BRINP1: variants seen among roughly 807,000 people sequenced by gnomAD.
The protein encoded by BRINP1 is BMP/retinoic acid-inducible neural-specific protein 1.
In BRINP1, 17 loss-of-function variants were observed where a neutral mutation model predicts 72.9. The observed-to-expected ratio is 0.23, with a 90% CI of 0.16 to 0.35. The LOEUF (loss-of-function observed/expected upper bound fraction) is 0.35. Among genes scored for constraint, BRINP1 ranks in the 10% least tolerant of loss-of-function variants. The pLI, the probability that BRINP1 is intolerant of heterozygous loss-of-function variation, is 1.00. For synonymous variants in BRINP1, 418 were observed against 378.5 expected, an observed-to-expected ratio of 1.10 and a Z score of -1.21; for missense variants, 850 against 1,001.6, an observed-to-expected ratio of 0.85 and a Z score of 2.04.
intron 2 of BRINP1, among the ~76,000 whole-genome samples, chr9:119,252,488 T>A (rs998892830): frequency 6.6e-6 from 1 of 150,802 alleles, no homozygotes; most frequent in East Asian, 1.9e-4. Flanking sequence ...AATTATGAGG[T>A]TATATATATA....
chr9:119,313,265 C>T lies in BRINP1; in HGVS notation c.91G>A (p.Asp31Asn), dbSNP rs771230669. The change falls in exon 2 of 8, where the codon GAC becomes AAC. Residue 31 changes from aspartate to asparagine, a missense_variant. Physicochemically the swap from Asp to Asn is conservative, Grantham distance 23 (BLOSUM62 1). Transcript: ENST00000265922. Reference protein sequence around the residue: ...QPSHQEPAGTDQHVSKEFDWL... With the variant: ...QPSHQEPAGTNQHVSKEFDWL... The stretch of plus-strand genomic sequence containing the variant: ...TCAAATTCCTTGGAGACATGTTGGT[C>T]TGTCCCAGCTGGTTCCTGGTGGGAG... The T allele has an allele frequency of 1.9e-6, 3 of 1,614,172 alleles. No homozygotes were observed. Among genetic ancestry groups the T allele is most frequent in the East Asian group, 2.2e-5 (1 of 44,868 alleles).
At chr9:119,227,971 C>T (rs901646222) in intron 5 of BRINP1, among the ~76,000 whole-genome samples, 2 of 151,980 alleles carry the variant, frequency 1.3e-5, no homozygotes, top group Admixed American at 1.3e-4. Context: ...TATTTTTAAA[C>T]ATTTCTCCTA....
At chr9:119,353,588 T>G (rs961066468) in intron 1 of BRINP1, among the ~76,000 whole-genome samples, 5 of 152,074 alleles carry the variant, frequency 3.3e-5, no homozygotes, top group Non-Finnish European at 7.4e-5. Context: ...CATGAGAAAT[T>G]AAGAAAACTG....
chr9:119,297,272 G>A (rs1015022753), intron 2 of BRINP1, among the ~76,000 whole-genome samples: 1 of 152,182 alleles, frequency 6.6e-6, no homozygotes, highest in Non-Finnish European at 1.5e-5. Flanking sequence ...GTTATAATAT[G>A]CTCAGGTCAC....
chr9:119,187,344 C>G (rs1420864244), intron 7 of BRINP1, among the ~76,000 whole-genome samples: 1 of 151,898 alleles, frequency 6.6e-6, no homozygotes, highest in Non-Finnish European at 1.5e-5. Flanking sequence ...ATGAGAACAA[C>G]AGGATCCCTG....
chr9:119,169,496 C>T (rs544703887), intron 7 of BRINP1, among the ~76,000 whole-genome samples: 1 of 152,186 alleles, frequency 6.6e-6, no homozygotes, highest in Non-Finnish European at 1.5e-5. Context: ...CACAGAGTCT[C>T]GCTGATTGCT....
At chr9:119,305,457 T>C (rs1170515911) in intron 2 of BRINP1, among the ~76,000 whole-genome samples, 1 of 152,238 alleles carries the variant, frequency 6.6e-6, no homozygotes, top group Non-Finnish European at 1.5e-5. Flanking sequence ...TCCAACCTTA[T>C]GCCCTACTAT....
At position 119,167,710 on chromosome 9, in the gene BRINP1, T is replaced by C. The variant is rs960145064; in HGVS notation, c.1660A>G (p.Ser554Gly). 1 of 1,614,090 alleles carries C rather than the reference T, an allele frequency of 6.2e-7. No individual in the cohort carries two copies. Among genetic ancestry groups the C allele is most frequent in the Non-Finnish European group, 8.5e-7 (1 of 1,180,008 alleles). Residue 554 changes from serine to glycine, a missense_variant, in exon 8 of 8, where the codon AGC becomes GGC. Ser to Gly is a moderately conservative substitution (Grantham distance 56, BLOSUM62 0). Transcript: ENST00000265922. The surrounding 1 kb of genome is among the most constrained non-coding windows in gnomAD (Gnocchi z 4.3). ...ACAAAGAACATGGGGTCCAGGCTGC[T>C]GTTGCGCATCTGGCAGATGCGCATG... ...MSMRICQMRN[S>G]SLDPMFFVYV...
intron 1 of BRINP1, among the ~76,000 whole-genome samples, chr9:119,366,589 G>T (rs1831695415): frequency 7.0e-6 from 1 of 142,896 alleles, no homozygotes; most frequent in Admixed American, 7.2e-5. Flanking sequence ...TGAGGCATTG[G>T]ATCTTTTCTC....
chr9:119,169,972 C>T (rs1162500957), intron 7 of BRINP1, among the ~76,000 whole-genome samples: 1 of 152,172 alleles, frequency 6.6e-6, no homozygotes, highest in Non-Finnish European at 1.5e-5. Flanking sequence ...ACACCAAAAA[C>T]CCACCTGTAC....
intron 1 of BRINP1, among the ~76,000 whole-genome samples, chr9:119,332,079 C>A (rs780494325): frequency 6.6e-6 from 1 of 152,242 alleles, no homozygotes; most frequent in East Asian, 1.9e-4. Flanking sequence ...AACCAGGGTC[C>A]TTCCTGTTAC....
intron 5 of BRINP1, among the ~76,000 whole-genome samples, chr9:119,231,660 C>T (rs990330628): frequency 2.0e-5 from 3 of 152,082 alleles, no homozygotes; most frequent in Non-Finnish European, 4.4e-5. Context: ...TCAGTCCTCA[C>T]TTTAATTATA....
At chr9:119,176,527 G>T (rs1379828099) in intron 7 of BRINP1, among the ~76,000 whole-genome samples, 2 of 152,140 alleles carry the variant, frequency 1.3e-5, no homozygotes, top group African/African-American at 4.8e-5. Flanking sequence ...GTTCAAAGCT[G>T]CATTCTATAA....
chr9:119,323,628 A>C (rs1831212002), intron 1 of BRINP1, among the ~76,000 whole-genome samples: 1 of 152,250 alleles, frequency 6.6e-6, no homozygotes, highest in Admixed American at 6.5e-5. Context: ...ACCCCCAAAG[A>C]AATGCTGCCA....
At chr9:119,276,563 A>C (rs1429501598) in intron 2 of BRINP1, among the ~76,000 whole-genome samples, 3 of 152,176 alleles carry the variant, frequency 2.0e-5, no homozygotes, top group South Asian at 2.1e-4. Context: ...ACCACAACTT[A>C]CTTATGCATT....
rs139806007 is a variant in BRINP1, at chr9:119,204,275, T to C, written c.1145+4444A>G. 2.3e-3 allele frequency among the ~76,000 whole-genome samples: 348 copies of C among 152,286 alleles called. 1 individual carries two copies. The highest frequency in any genetic ancestry group is 8.1e-3 in the African/African-American group (336 of 41,564). ...CAACATACAGATTCATAATAGATAA[T>C]AACATAGTGTTGTTTTGAGCCACTA... On this transcript the variant is annotated intron_variant, in intron 7 of 7. Transcript: ENST00000265922.
At chr9:119,235,934 C>T (rs952530163) in intron 5 of BRINP1, among the ~76,000 whole-genome samples, 2 of 152,136 alleles carry the variant, frequency 1.3e-5, no homozygotes, top group African/African-American at 2.4e-5. Flanking sequence ...GTGACTGCAT[C>T]CTTCAGCAGA....
At chr9:119,168,903 C>G (rs1014204836) in intron 7 of BRINP1, among the ~76,000 whole-genome samples, 1 of 152,256 alleles carries the variant, frequency 6.6e-6, no homozygotes, top group East Asian at 1.9e-4. Flanking sequence ...GTCAGTTCAA[C>G]CATTGTGGAA....
Position 119,167,982 on chromosome 9 carries a change from G to A in BRINP1, c.1388C>T (p.Pro463Leu), listed in dbSNP as rs1000289773. 3 of 1,614,236 alleles carry A rather than the reference G, an allele frequency of 1.9e-6. No homozygotes were observed. Among genetic ancestry groups the A allele is most frequent in the Non-Finnish European group, 2.5e-6 (3 of 1,180,044 alleles). Reference protein sequence around the residue: ...GYKLYRGRCEPQNVDSERSEQ... With the variant: ...GYKLYRGRCELQNVDSERSEQ... ...GCTCCGCTCCGAGTCCACGTTCTGT[G>A]GTTCACAGCGGCCTCGATACAGCTT... is the stretch of plus-strand genomic sequence containing the variant. The change falls in exon 8 of 8, where the codon CCA becomes CTA. Residue 463 changes from proline (P) to leucine (L), a missense_variant. Pro to Leu is a moderately conservative substitution (Grantham distance 98, BLOSUM62 -3). Transcript: ENST00000265922. The surrounding 1 kb of genome is among the most constrained non-coding windows in gnomAD (Gnocchi z 4.3).
Sources: allele counts gnomAD v4.1 joint callset (sites outside exome capture counted in the v4.1 genomes callset), GRCh38; gene constraint gnomAD v4.1.1; non-coding constraint Gnocchi (gnomAD v3.1); transcripts MANE v1.5; gene names NCBI Gene and HGNC (gene_info 2026-07-23, HGNC 2026-07-21).